DHDDS: variants seen among roughly 807,000 people sequenced by gnomAD.
DHDDS encodes the protein dehydrodolichyl diphosphate synthase subunit, also known as dehydrodolichyl diphosphate synthase complex subunit DHDDS.
In DHDDS, 16 loss-of-function variants were observed where a neutral mutation model predicts 46.2. That is an observed-to-expected ratio of 0.35 (90% CI 0.23 to 0.53). The LOEUF is 0.53. Ranked by LOEUF, DHDDS falls within the 20% of genes least tolerant of loss-of-function variation. The probability of loss-of-function intolerance (pLI) is 0.94; values close to 1 mark genes in which losing one functional copy is unlikely to be tolerated. For missense variants in DHDDS, 340 were observed against 423.7 expected, an observed-to-expected ratio of 0.80 and a Z score of 1.73; for synonymous variants, 151 against 163.1, an observed-to-expected ratio of 0.93 and a Z score of 0.56.
intron 2 of DHDDS, 63 bp downstream of exon 2, chr1:26,433,071 C>T: frequency 4.5e-6 from 7 of 1,563,394 alleles, no homozygotes; most frequent in Non-Finnish European, 6.2e-6. Context: ...ATATAAAAAC[C>T]TGTTATTAAA....
At chr1:26,457,944 G>A (rs2075387025) in intron 7 of DHDDS, 39 bp downstream of exon 7, 9 of 1,547,778 alleles carry the variant, frequency 5.8e-6, no homozygotes, top group Non-Finnish European at 8.0e-6. Flanking sequence ...TGTGTCATGG[G>A]GAAACCAACT....
intron 8 of DHDDS, chr1:26,467,644 C>T (rs1250150637): frequency 4.0e-6 from 1 of 249,412 alleles, no homozygotes; most frequent in East Asian, 8.9e-5. Context: ...ATTCTTTAAA[C>T]CATGAAGACA....
At position 26,433,115 on chromosome 1, in the gene DHDDS, G is replaced by C. The variant is rs569095656; in HGVS notation, c.63+107G>C. On this transcript the variant is annotated intron_variant, in intron 2 of 8. Transcript: ENST00000236342. ...TGTTAAGTGCAATTCATGATGTTAA[G>C]TGGAATTTAGCAAGGAAACCAAAGA... 8 of 1,219,568 alleles carry C rather than the reference G, an allele frequency of 6.6e-6. No homozygotes were observed. The East Asian group carries it at 1.7e-4, about 25-fold the overall frequency. The allele number at this position is 1,219,568 out of a possible 1,614,324, so 75.5% of individuals were successfully genotyped here.
At position 26,460,135 on chromosome 1, in the gene DHDDS, C is replaced by A. The variant is rs565600867; in HGVS notation, c.756C>A (p.Ser252Arg). 2 of 1,613,094 alleles carry A rather than the reference C, an allele frequency of 1.2e-6. No individual in the cohort carries two copies. Among genetic ancestry groups the A allele is most frequent in the African/African-American group, 2.7e-5 (2 of 74,852 alleles). ...EAILQFQMNH[S>R]VLQKARDMYA... ...TCCTGCAGTTCCAGATGAACCATAG[C>A]GTGCTTCAGGTAAGAAAGAGTTCAG... is the stretch of plus-strand genomic sequence containing the variant. Residue 252 changes from serine (S) to arginine (R), a missense_variant, in exon 8 of 9, where the codon AGC (serine) becomes AGA (arginine). By Grantham distance (110) the Ser-to-Arg change is moderately radical. This residue lies in a region of DHDDS where 268 missense variants were observed against 300.3 expected (regional missense o/e 0.89). Coordinates refer to ENST00000236342, the MANE Select transcript of DHDDS (RefSeq NM_205861.3).
intron 8 of DHDDS, among the ~76,000 whole-genome samples, chr1:26,461,089 G>A (rs2075417609): frequency 6.6e-6 from 1 of 152,146 alleles, no homozygotes; most frequent in African/African-American, 2.4e-5. Flanking sequence ...GGCCAGGCTG[G>A]TCTTGAACTC....
In DHDDS at chr1:26,469,454, T is replaced by A. The variant is rs754078948; in HGVS notation, c.*323T>A. ...ACTTTCTTTTTCCACCAGCACATCC[T>A]TCAACACACAGAATTTCAGGGAAGA... On this transcript the variant is annotated 3_prime_UTR_variant, in exon 9 of 9. Coordinates refer to ENST00000236342, the MANE Select transcript of DHDDS (RefSeq NM_205861.3). The A allele has an allele frequency of 2.2e-6, 1 of 450,672 alleles. No individual in the cohort carries two copies. The highest frequency in any genetic ancestry group is 4.1e-6 in the Non-Finnish European group (1 of 241,718). The allele number at this position is 450,672 out of a possible 1,614,324, so 27.9% of individuals were successfully genotyped here. A position where few individuals can be genotyped will look rare whatever the true frequency, so the allele number is the denominator to read the frequency against.
At chr1:26,448,611 T>C (rs1243915020) in intron 6 of DHDDS, 1 of 152,250 alleles carries the variant, frequency 6.6e-6, no homozygotes, top group Non-Finnish European at 1.5e-5. Context: ...TTTAATATAT[T>C]TGTAAACTAA....
chr1:26,446,127 CTG>C (rs1223287557), intron 4 of DHDDS, among the ~76,000 whole-genome samples, 187 bp from the exon 5 acceptor site: 1 of 152,196 alleles, frequency 6.6e-6, no homozygotes, highest in African/African-American at 2.4e-5. Context: ...ACTGTCCTGT[CTG>C]AGCCTTGGCA....
intron 4 of DHDDS, among the ~76,000 whole-genome samples, chr1:26,445,520 T>C (rs534361101): frequency 1.3e-5 from 2 of 152,170 alleles, no homozygotes; most frequent in East Asian, 1.9e-4. Flanking sequence ...TGAGACCACC[T>C]TGGGCAACAT....
At chr1:26,467,994 C>G (rs2075509611) in intron 8 of DHDDS, among the ~76,000 whole-genome samples, 1 of 152,206 alleles carries the variant, frequency 6.6e-6, no homozygotes, top group Non-Finnish European at 1.5e-5. Context: ...ACCCCAAGTG[C>G]TGGAGAGGAA....
chr1:26,455,322 T>C (rs142764244), intron 6 of DHDDS: 6,503 of 502,354 alleles, frequency 0.013, 72 homozygotes, highest in Middle Eastern at 0.022. Context: ...CAAGACAAGA[T>C]TGTCAGATTA....
At position 26,435,859 on chromosome 1, in the gene DHDDS, C is replaced by T. The variant is rs1008929421; in HGVS notation, c.64-2309C>T. ...TGAATTCCTGACCTCGTGATCTGCC[C>T]GCCTTCGCCTCCCAAAGTGCTGAGA... On this transcript the variant is annotated intron_variant, in intron 2 of 8. Coordinates refer to ENST00000236342, the MANE Select transcript of DHDDS (RefSeq NM_205861.3). Among the ~76,000 whole-genome samples, 8 of 152,162 alleles carry T rather than the reference C, an allele frequency of 5.3e-5. No individual in the cohort carries two copies. In the East Asian group the frequency reaches 5.8e-4, roughly 11 times the overall value.
At chr1:26,438,453 G>A (rs955869814) in intron 3 of DHDDS, 169 bp downstream of exon 3, 4 of 667,536 alleles carry the variant, frequency 6.0e-6, no homozygotes, top group Non-Finnish European at 5.2e-6. Flanking sequence ...GGCCAGACGT[G>A]GTTGCTTTTG....
rs776954248 is a variant in DHDDS, at chr1:26,457,897, C to T, written c.649C>T (p.Leu217=). 2.5e-6 allele frequency: 4 copies of T among 1,613,104 alleles called. No homozygotes were observed. In the African/African-American group the frequency reaches 5.3e-5, roughly 22 times the overall value. ...AGAAGTGCGGCTGAGTGACTTCTTG[C>T]TATGGCAGGTAGGTCATTTCCAAGT... ...SGEVRLSDFL[L]WQTSHSCLVF... The change falls in exon 7 of 9, where the codon CTA becomes TTA. Residue 217 remains leucine (L), a synonymous_variant. Transcript: ENST00000236342.
chr1:26,456,496 G>A (rs1394049552), intron 6 of DHDDS, among the ~76,000 whole-genome samples: 5 of 152,096 alleles, frequency 3.3e-5, no homozygotes, highest in Non-Finnish European at 7.4e-5. Context: ...GGGTTCAAGC[G>A]ATTCTCCTGC....
At chr1:26,439,524 G>T (rs948086352) in intron 3 of DHDDS, among the ~76,000 whole-genome samples, 2 of 152,058 alleles carry the variant, frequency 1.3e-5, no homozygotes, top group African/African-American at 4.8e-5. Flanking sequence ...TGAGGCTGCA[G>T]TGAGCTGTGT....
At chr1:26,453,093 A>AACACACACACACAC (rs57753843) in intron 6 of DHDDS, among the ~76,000 whole-genome samples, 1 of 146,430 alleles carries the variant, frequency 6.8e-6, no homozygotes, top group African/African-American at 2.5e-5. Context: ...CCCTGTCTGA[A>AACACACACACACAC]ACACACACAC....
At chr1:26,457,581 AAAG>A (rs1393882318) in intron 6 of DHDDS, among the ~76,000 whole-genome samples, 2 of 151,850 alleles carry the variant, frequency 1.3e-5, no homozygotes, top group Non-Finnish European at 2.9e-5. Context: ...AAAAAAAAAA[AAAG>A]AAATACCTTA....
intron 2 of DHDDS, among the ~76,000 whole-genome samples, chr1:26,434,820 AT>A (rs67223673): frequency 0.24 from 31,496 of 129,130 alleles, 6,949 homozygotes; most frequent in African/African-American, 0.61. Context: ...TGCCTGGCTA[AT>A]TTTTTTTTTT....
Sources: gnomAD v4.1 joint callset for allele counts (sites outside exome capture counted in the v4.1 genomes callset) on GRCh38, gnomAD v4.1.1 for gene constraint, gnomAD v4.1.1 regional missense constraint, MANE v1.5 for transcripts, NCBI Gene and HGNC (gene_info 2026-07-23, HGNC 2026-07-21) for gene names.